BCORL1: variants seen among roughly 807,000 people sequenced by gnomAD.
BCORL1 encodes BCL-6 corepressor-like protein 1.
BCORL1 carries 7 observed loss-of-function variants against 87.6 expected under a neutral mutation model. The observed-to-expected ratio is 0.08, with a 90% CI of 0.05 to 0.15. The LOEUF is 0.15. Among genes scored for constraint, BCORL1 ranks in the 10% least tolerant of loss-of-function variants. The probability of loss-of-function intolerance (pLI) is 1.00; values close to 1 mark genes in which losing one functional copy is unlikely to be tolerated. For missense variants in BCORL1, 1,215 were observed against 1,499.7 expected, an observed-to-expected ratio of 0.81 and a Z score of 3.13; for synonymous variants, 591 against 634.4, an observed-to-expected ratio of 0.93 and a Z score of 1.03.
chrX:130,030,206 C>T (rs1424050881), intron 8 of BCORL1, among the ~76,000 whole-genome samples: 1 of 111,750 alleles, frequency 8.9e-6, no homozygotes, highest in Non-Finnish European at 1.9e-5. Context: ...AAGTGCTCTC[C>T]GAGGGTTGCT....
At chrX:130,038,639 G>A (rs1282760117) in intron 10 of BCORL1, among the ~76,000 whole-genome samples, 4 of 111,054 alleles carry the variant, frequency 3.6e-5, no homozygotes, top group Non-Finnish European at 7.6e-5. Flanking sequence ...CCGCCATGAC[G>A]CCCAGCTAAT....
At chrX:130,041,693 C>A (rs1335878448) in intron 11 of BCORL1, among the ~76,000 whole-genome samples, 3 of 111,247 alleles carry the variant, frequency 2.7e-5, no homozygotes, top group Non-Finnish European at 3.8e-5. Flanking sequence ...GTGGCGTGAT[C>A]TCAGCTCACT....
intron 7 of BCORL1, among the ~76,000 whole-genome samples, chrX:130,028,270 G>A (rs1372743139): frequency 9.0e-6 from 1 of 111,372 alleles, no homozygotes; most frequent in African/African-American, 3.3e-5. Context: ...TACGGGACTG[G>A]AGAAACAGAC....
chrX:129,995,953 G>A (rs1927535405), intron 1 of BCORL1, among the ~76,000 whole-genome samples: 2 of 111,457 alleles, frequency 1.8e-5, no homozygotes, highest in African/African-American at 6.5e-5. Context: ...TTTTCCTATG[G>A]AAAACAATGA....
At chrX:130,024,366 C>T (rs1191447528) in intron 6 of BCORL1, among the ~76,000 whole-genome samples, 1 of 110,968 alleles carries the variant, frequency 9.0e-6, no homozygotes, top group Admixed American at 9.6e-5. Flanking sequence ...AGTGGGCGTG[C>T]CTGGGTGCAT....
Position 130,056,512 on chromosome X carries a change from A to G in BCORL1, c.*376A>G. On this transcript the variant is annotated 3_prime_UTR_variant, in exon 14 of 14. Transcript: ENST00000540052. ...TGGCCTGTCCCGAGGAGAAATGAGA[A>G]AATCCCAGATCTCTGAGCGCCCCCC... 1 of 153,435 alleles carries G rather than the reference A, an allele frequency of 6.5e-6. No individual in the cohort carries two copies. Among genetic ancestry groups the G allele is most frequent in the South Asian group, 2.9e-4 (1 of 3,431 alleles). 12.6% of individuals were successfully genotyped at this position (153,435 alleles called of 1,213,427 possible).
intron 4 of BCORL1, 134 bp from the exon 5 acceptor site, chrX:130,020,850 CG>C: frequency 7.1e-6 from 5 of 702,693 alleles, no homozygotes; most frequent in Non-Finnish European, 9.9e-6. Flanking sequence ...AGGCAGTGCA[CG>C]GCCCCTTGCC....
At chrX:130,017,896 A>G (rs1929557403) in intron 4 of BCORL1, among the ~76,000 whole-genome samples, 1 of 111,486 alleles carries the variant, frequency 9.0e-6, no homozygotes, top group Non-Finnish European at 1.9e-5. Flanking sequence ...TCAGCCTCCC[A>G]AAGTGCTGGG....
At chrX:129,995,900 C>T (rs1323463725) in intron 1 of BCORL1, among the ~76,000 whole-genome samples, 1 of 111,868 alleles carries the variant, frequency 8.9e-6, no homozygotes, top group Non-Finnish European at 1.9e-5. Context: ...AGGAGTTCCA[C>T]ATCTAAAGCC....
At chrX:130,006,400 G>A (rs1296791571) in intron 2 of BCORL1, among the ~76,000 whole-genome samples, 1 of 102,202 alleles carries the variant, frequency 9.8e-6, no homozygotes, top group Non-Finnish European at 2.0e-5. Flanking sequence ...TCACTCTGTC[G>A]CCCAGGCTGG....
intron 8 of BCORL1, 44 bp downstream of exon 8, chrX:130,028,905 GGGGTCAGAGGAGGCAGGA>G: frequency 1.5e-6 from 1 of 655,964 alleles, no homozygotes; most frequent in Non-Finnish European, 2.1e-6. Context: ...TGTGTGGCGG[GGGGTCAGAGGAGGCAGGA>G]GGGGGGTGGG....
chrX:130,016,334 C>T, intron 4 of BCORL1, 121 bp downstream of exon 4: 1 of 924,678 alleles, frequency 1.1e-6, no homozygotes, highest in Non-Finnish European at 1.4e-6. Context: ...GCTGTGTGAA[C>T]TGAACGGATT....
intron 11 of BCORL1, among the ~76,000 whole-genome samples, chrX:130,050,424 C>T (rs1932008044): frequency 1.8e-5 from 2 of 109,974 alleles, no homozygotes; most frequent in African/African-American, 6.6e-5. Context: ...AGAGCAAGAC[C>T]CTGACTCTTA....
intron 11 of BCORL1, among the ~76,000 whole-genome samples, chrX:130,039,876 A>G (rs1931211068): frequency 8.9e-6 from 1 of 112,677 alleles, no homozygotes; most frequent in Non-Finnish European, 1.9e-5. Context: ...GCCCATGGCA[A>G]GGGCCACAAG....
intron 8 of BCORL1, among the ~76,000 whole-genome samples, chrX:130,033,849 G>A (rs1930772518): frequency 1.8e-5 from 2 of 110,890 alleles, no homozygotes; most frequent in African/African-American, 3.3e-5. Context: ...GGGCATGGTG[G>A]CGCATACCTG....
intron 3 of BCORL1, 31 bp from the exon 4 acceptor site, chrX:130,012,919 C>A (rs367550651): frequency 1.4e-5 from 16 of 1,172,338 alleles, no homozygotes; most frequent in Non-Finnish European, 1.8e-5. Flanking sequence ...AGGGAGCTGG[C>A]TGAGATGTGC....
chrX:130,001,894 G>A (rs1326786082), intron 1 of BCORL1, among the ~76,000 whole-genome samples: 1 of 110,685 alleles, frequency 9.0e-6, no homozygotes, highest in Non-Finnish European at 1.9e-5. Flanking sequence ...CGCTTTAGAA[G>A]ATGAATTGAT....
intron 1 of BCORL1, among the ~76,000 whole-genome samples, chrX:129,984,401 C>T (rs1345961214): frequency 9.1e-6 from 1 of 109,377 alleles, no homozygotes. Flanking sequence ...CGACGAGGAG[C>T]CCCGGGGGCC....
intron 1 of BCORL1, 68 bp downstream of exon 1, chrX:129,982,830 G>A (rs1926230821): frequency 9.0e-6 from 1 of 110,515 alleles, no homozygotes; most frequent in African/African-American, 3.3e-5. Flanking sequence ...GCGGTTAAGA[G>A]GGAGTAAGAG....
Sources: allele counts gnomAD v4.1 joint callset (sites outside exome capture counted in the v4.1 genomes callset), GRCh38; gene constraint gnomAD v4.1.1; transcripts MANE v1.5; gene names NCBI Gene and HGNC (gene_info 2026-07-23, HGNC 2026-07-21).